TTC7A: variants seen among roughly 807,000 people sequenced by gnomAD.
TTC7A encodes tetratricopeptide repeat protein 7A.
In TTC7A, 110 loss-of-function variants were observed where a neutral mutation model predicts 103.7. The ratio of observed to expected loss-of-function variants is 1.06; its 90% confidence interval spans 0.91 to 1.24. The LOEUF is 1.24. Ranked by LOEUF, TTC7A falls within the 50% of genes most tolerant of loss-of-function variation. The pLI, the probability that TTC7A is intolerant of heterozygous loss-of-function variation, is 0.00. For synonymous variants in TTC7A, 521 were observed against 467.9 expected, an observed-to-expected ratio of 1.11 and a Z score of -1.47; for missense variants, 1,340 against 1,116.3, an observed-to-expected ratio of 1.20 and a Z score of -2.86.
chr2:47,005,205 G>T lies in TTC7A; in HGVS notation c.1066-717G>T, dbSNP rs184532606. 1.8e-4 allele frequency among the ~76,000 whole-genome samples: 28 copies of T among 152,240 alleles called. No homozygotes were observed. The East Asian group carries it at 5.4e-3, about 29-fold the overall frequency. On this transcript the variant is annotated intron_variant, in intron 8 of 19. Coordinates refer to ENST00000319190, the MANE Select transcript of TTC7A (RefSeq NM_020458.4). ...CCATGGTTGGAAGGAGCCAGGAGAG[G>T]GTCCGGGCTGGACACAGAGAGGAAG...
At chr2:46,937,683 C>T (rs886497209), upstream of TTC7A, among the ~76,000 whole-genome samples, 1 of 152,150 alleles carries the variant, frequency 6.6e-6, no homozygotes, top group African/African-American at 2.4e-5. The surrounding 1 kb of genome is among the most constrained non-coding windows in gnomAD (Gnocchi z 4.0). Context: ...AGTGATTCTC[C>T]CACCTCCTTC....
chr2:47,027,421 G>T (rs1680034312), intron 14 of TTC7A, among the ~76,000 whole-genome samples: 1 of 152,252 alleles, frequency 6.6e-6, no homozygotes, highest in Non-Finnish European at 1.5e-5. Flanking sequence ...ACCCCCACCT[G>T]GGAGCGCCTG....
chr2:47,043,720 A>G (rs1682010870), intron 15 of TTC7A, among the ~76,000 whole-genome samples: 1 of 152,132 alleles, frequency 6.6e-6, no homozygotes, highest in Non-Finnish European at 1.5e-5. Flanking sequence ...ATCAGACCAG[A>G]GTGACTGGTG....
intron 5 of TTC7A, among the ~76,000 whole-genome samples, chr2:46,979,108 A>G (rs998881806): frequency 6.6e-6 from 1 of 152,146 alleles, no homozygotes; most frequent in Admixed American, 6.5e-5. Context: ...ACGCTTCAGG[A>G]AGCCACAGAA....
intron 3 of TTC7A, 100 bp downstream of exon 3, chr2:46,957,107 CT>C (rs1207730602): frequency 3.4e-6 from 5 of 1,466,036 alleles, no homozygotes; most frequent in African/African-American, 1.4e-5. Flanking sequence ...TTCTTCACCC[CT>C]GGTAGTGCCC....
At chr2:46,953,990 G>T (rs1490578175) in intron 2 of TTC7A, among the ~76,000 whole-genome samples, 1 of 152,030 alleles carries the variant, frequency 6.6e-6, no homozygotes, top group African/African-American at 2.4e-5. Context: ...ACCCAAGAAA[G>T]GTGATCACAA....
chr2:46,960,925 G>A (rs920305114), intron 3 of TTC7A, among the ~76,000 whole-genome samples: 2 of 152,248 alleles, frequency 1.3e-5, no homozygotes, highest in African/African-American at 2.4e-5. Context: ...CTACAGCCCT[G>A]GTGAAGCCCT....
chr2:46,999,575 T>G (rs1368238974), intron 8 of TTC7A: 3 of 985,354 alleles, frequency 3.0e-6, no homozygotes, highest in African/African-American at 1.7e-5. Context: ...GACTCCCATC[T>G]ACTGCAGTTT....
chr2:46,978,981 G>A, intron 5 of TTC7A, 74 bp downstream of exon 5: 2 of 1,034,404 alleles, frequency 1.9e-6, no homozygotes. Flanking sequence ...CCTTAAGGCT[G>A]CTCTCCCTCT....
chr2:46,947,805 C>T (rs150200577), intron 1 of TTC7A, among the ~76,000 whole-genome samples: 287 of 152,302 alleles, frequency 1.9e-3, no homozygotes, highest in Non-Finnish European at 3.3e-3. Flanking sequence ...ACACAAAGTA[C>T]TACCTCCCAA....
At chr2:47,039,979 T>G (rs1328334797) in intron 15 of TTC7A, among the ~76,000 whole-genome samples, 1 of 152,144 alleles carries the variant, frequency 6.6e-6, no homozygotes, top group African/African-American at 2.4e-5. Flanking sequence ...AGGGGCTGAC[T>G]CTGTTAGGTC....
intron 5 of TTC7A, among the ~76,000 whole-genome samples, chr2:46,986,759 C>T (rs1675057265): frequency 6.6e-6 from 1 of 152,194 alleles, no homozygotes; most frequent in Non-Finnish European, 1.5e-5. Context: ...GGCCAGATGG[C>T]CACAGGCAGT....
chr2:46,965,764 T>TGTTAGC (rs1278662689), intron 3 of TTC7A, among the ~76,000 whole-genome samples: 1 of 152,048 alleles, frequency 6.6e-6, no homozygotes, highest in East Asian at 1.9e-4. Flanking sequence ...GGTTTCGCAA[T>TGTTAGC]GTTAGCCAGG....
At chr2:47,056,254 G>T (rs1683303665) in intron 18 of TTC7A, among the ~76,000 whole-genome samples, 1 of 152,232 alleles carries the variant, frequency 6.6e-6, no homozygotes, top group Non-Finnish European at 1.5e-5. Flanking sequence ...TATATGCTCT[G>T]AGTGTCTGAT....
chr2:47,058,302 C>G (rs139419573), intron 18 of TTC7A, among the ~76,000 whole-genome samples: 1 of 152,190 alleles, frequency 6.6e-6, no homozygotes, highest in African/African-American at 2.4e-5. Context: ...TAGAGAAAAA[C>G]CAGAGTCCTC....
At chr2:46,964,206 G>C (rs1205265965) in intron 3 of TTC7A, among the ~76,000 whole-genome samples, 1 of 152,218 alleles carries the variant, frequency 6.6e-6, no homozygotes, top group African/African-American at 2.4e-5. Context: ...TGGGTGGTGA[G>C]CCTGAACTTG....
intron 1 of TTC7A, among the ~76,000 whole-genome samples, chr2:46,948,730 G>C (rs994747964): frequency 6.6e-6 from 1 of 152,160 alleles, no homozygotes; most frequent in African/African-American, 2.4e-5. Flanking sequence ...AAGAAGCTGG[G>C]ACTACAGGCT....
At position 46,941,924 on chromosome 2, in the gene TTC7A, GAAGAGAAACGGC is replaced by G; in HGVS notation, c.184+200_184+211del. On this transcript the variant is annotated intron_variant, in intron 1 of 19. Transcript: ENST00000319190. This position sits in a 1 kb window ranked among gnomAD's most constrained non-coding sequence, Gnocchi z 4.2. ...CACATGTGGTTTGGGGGCTTGGAGG[GAAGAGAAACGGC>G]TTTTGCTCTGTGTCCTTTAGGATAA... is the stretch of plus-strand genomic sequence containing the variant. 1 of 661,214 alleles carries G rather than the reference GAAGAGAAACGGC, an allele frequency of 1.5e-6. No homozygotes were observed. Among genetic ancestry groups the G allele is most frequent in the Non-Finnish European group, 2.6e-6 (1 of 387,252 alleles). The allele number at this position is 661,214 out of a possible 1,614,324, so 41.0% of individuals were successfully genotyped here. A position where few individuals can be genotyped will look rare whatever the true frequency, so the allele number is the denominator to read the frequency against.
At chr2:47,071,899 G>A (rs1187266623) in intron 19 of TTC7A, among the ~76,000 whole-genome samples, 1 of 152,256 alleles carries the variant, frequency 6.6e-6, no homozygotes, top group Non-Finnish European at 1.5e-5. Context: ...ACGTGTGGAA[G>A]CCACTCCGGC....
Sources: gnomAD v4.1 joint callset for allele counts (sites outside exome capture counted in the v4.1 genomes callset) on GRCh38, gnomAD v4.1.1 for gene constraint, Gnocchi (gnomAD v3.1) non-coding constraint, MANE v1.5 for transcripts, NCBI Gene and HGNC (gene_info 2026-07-23, HGNC 2026-07-21) for gene names.